The following GRM1 variants were observed in gnomAD, a reference collection of about 807,000 sequenced individuals.
GRM1 encodes the protein metabotropic glutamate receptor 1.
Under a neutral mutation model 90.9 loss-of-function variants are expected in GRM1, and 33 were observed. The observed-to-expected ratio is 0.36, with a 90% CI of 0.28 to 0.49. GRM1 has a LOEUF of 0.49. Among genes scored for constraint, GRM1 ranks in the 20% least tolerant of loss-of-function variants. The probability of loss-of-function intolerance (pLI) is 0.99; values close to 1 mark genes in which losing one functional copy is unlikely to be tolerated. For synonymous variants in GRM1, 700 were observed against 613.2 expected (o/e 1.14, Z -2.09); for missense variants, 1,190 against 1,534.3 (o/e 0.78, Z 3.75).
intron 1 of GRM1, among the ~76,000 whole-genome samples, chr6:146,033,457 C>A (rs1790776780): frequency 6.6e-6 from 1 of 152,016 alleles, no homozygotes. Flanking sequence ...AAGCATTGAA[C>A]AAGTCCAATA....
At chr6:146,079,703 T>C (rs1030496730) in intron 1 of GRM1, among the ~76,000 whole-genome samples, 1 of 152,184 alleles carries the variant, frequency 6.6e-6, no homozygotes, top group Non-Finnish European at 1.5e-5. Context: ...TCCTAAGCAG[T>C]CAATGAAAGA....
At chr6:146,140,643 T>C (rs905737365) in intron 1 of GRM1, among the ~76,000 whole-genome samples, 5 of 152,216 alleles carry the variant, frequency 3.3e-5, no homozygotes, top group Admixed American at 1.3e-4. Flanking sequence ...TTTAAACGGA[T>C]GAAAACTTAA....
At chr6:146,273,893 G>A (rs2114833044) in intron 2 of GRM1, among the ~76,000 whole-genome samples, 1 of 152,270 alleles carries the variant, frequency 6.6e-6, no homozygotes, top group East Asian at 1.9e-4. Context: ...TTTGAATATT[G>A]GAGCAGTCGT....
At chr6:146,121,522 G>A (rs1775989251) in intron 1 of GRM1, among the ~76,000 whole-genome samples, 1 of 152,036 alleles carries the variant, frequency 6.6e-6, no homozygotes, top group Admixed American at 6.5e-5. Flanking sequence ...CTTTAATTGT[G>A]ATGTTAGGGT....
intron 5 of GRM1, among the ~76,000 whole-genome samples, chr6:146,376,071 G>A (rs546199484): frequency 4.0e-4 from 60 of 151,898 alleles, no homozygotes; most frequent in African/African-American, 1.4e-3. Flanking sequence ...GTTACAATGA[G>A]GCTTGCAAAT....
chr6:146,334,063 A>G (rs1784677528), intron 3 of GRM1, among the ~76,000 whole-genome samples: 2 of 152,094 alleles, frequency 1.3e-5, no homozygotes, highest in Non-Finnish European at 2.9e-5. Context: ...TCCTGTTTCC[A>G]TTGTCCTAAC....
chr6:146,432,185 G>A (rs544682174), intron 7 of GRM1, among the ~76,000 whole-genome samples: 1 of 152,334 alleles, frequency 6.6e-6, no homozygotes, highest in African/African-American at 2.4e-5. Context: ...ACATAACAGA[G>A]ATGAGCTTTG....
At chr6:146,134,835 G>T (rs558643966) in intron 1 of GRM1, among the ~76,000 whole-genome samples, 27 of 152,268 alleles carry the variant, frequency 1.8e-4, no homozygotes, top group Non-Finnish European at 3.4e-4. Flanking sequence ...GGAGGCTGAG[G>T]CAGGAGAATG....
chr6:146,064,667 T>C (rs1775784761), intron 1 of GRM1, among the ~76,000 whole-genome samples: 1 of 151,822 alleles, frequency 6.6e-6, no homozygotes, highest in African/African-American at 2.4e-5. Flanking sequence ...TTCTTTTTTT[T>C]TTTCCCCCAG....
intron 3 of GRM1, among the ~76,000 whole-genome samples, chr6:146,331,966 T>C (rs1784603535): frequency 6.6e-6 from 1 of 152,104 alleles, no homozygotes; most frequent in Non-Finnish European, 1.5e-5. Context: ...ACAGGACTAG[T>C]ATGGAGACAG....
chr6:146,205,318 G>A (rs189100477), intron 2 of GRM1, among the ~76,000 whole-genome samples: 18 of 152,142 alleles, frequency 1.2e-4, no homozygotes, highest in Non-Finnish European at 2.2e-4. Context: ...AAAAGATAAT[G>A]TTCATTTTAT....
At chr6:146,131,898 T>C (rs1381863283) in intron 1 of GRM1, among the ~76,000 whole-genome samples, 1 of 152,128 alleles carries the variant, frequency 6.6e-6, no homozygotes, top group Non-Finnish European at 1.5e-5. Flanking sequence ...GGCCACTTTA[T>C]ATAGGATGGC....
chr6:146,309,432 G>A (rs954864915), intron 3 of GRM1, among the ~76,000 whole-genome samples: 1 of 150,946 alleles, frequency 6.6e-6, no homozygotes, highest in Non-Finnish European at 1.5e-5. Context: ...TTAAGCTTTT[G>A]AAAAGGAGTT....
intron 1 of GRM1, among the ~76,000 whole-genome samples, chr6:146,088,835 A>G (rs1776627996): frequency 6.6e-6 from 1 of 152,102 alleles, no homozygotes; most frequent in South Asian, 2.1e-4. Flanking sequence ...TTGTCCCCAC[A>G]TCTGTTAAAT....
chr6:146,252,468 T>C (rs549899189), intron 2 of GRM1, among the ~76,000 whole-genome samples: 2 of 152,098 alleles, frequency 1.3e-5, no homozygotes, highest in African/African-American at 4.8e-5. Flanking sequence ...TGAAACTCTA[T>C]CTCTACTAAA....
intron 2 of GRM1, among the ~76,000 whole-genome samples, chr6:146,192,294 G>A (rs180924824): frequency 3.7e-4 from 57 of 152,238 alleles, no homozygotes; most frequent in Admixed American, 1.3e-3. Context: ...TTTACAATTA[G>A]CATAACCAAA....
At chr6:146,255,213 A>G (rs1452349301) in intron 2 of GRM1, among the ~76,000 whole-genome samples, 2 of 152,180 alleles carry the variant, frequency 1.3e-5, no homozygotes, top group Non-Finnish European at 1.5e-5. Context: ...TTTTTGGTAC[A>G]AACATATATT....
upstream of GRM1, among the ~76,000 whole-genome samples, chr6:146,028,977 G>A (rs1790603316): frequency 6.6e-6 from 1 of 152,182 alleles, no homozygotes; most frequent in African/African-American, 2.4e-5. Context: ...GAGCGGGCGA[G>A]TTGGCGGGGC....
rs751529427 is a variant in GRM1 at position 146,399,090 on chromosome 6, G to A, written c.2051G>A (p.Arg684His). Reference protein sequence around the residue: ...ALVTKTNRIARILAGSKKKIC... With the variant: ...ALVTKTNRIAHILAGSKKKIC... ...GTGACTAAAACCAATCGTATTGCAC[G>A]CATCCTGGCTGGCAGCAAGAAGAAG... Residue 684 changes from arginine (R) to histidine (H), a missense_variant, in exon 7 of 8, where the codon CGC becomes CAC. By Grantham distance (29) the Arg-to-His change is conservative. Coordinates refer to ENST00000282753, the MANE Select transcript of GRM1 (RefSeq NM_001278064.2). This position sits in a 1 kb window ranked among gnomAD's most constrained non-coding sequence, Gnocchi z 5.4. 4.3e-6 allele frequency: 7 copies of A among 1,613,862 alleles called. No homozygotes were observed. Among genetic ancestry groups the A allele is most frequent in the Non-Finnish European group, 4.2e-6 (5 of 1,179,986 alleles).
Sources: gnomAD v4.1 joint callset for allele counts (sites outside exome capture counted in the v4.1 genomes callset) on GRCh38, gnomAD v4.1.1 for gene constraint, Gnocchi (gnomAD v3.1) non-coding constraint, MANE v1.5 for transcripts, NCBI Gene and HGNC (gene_info 2026-07-23, HGNC 2026-07-21) for gene names.